The following SLC9A9 variants were observed in gnomAD, a reference collection of about 807,000 sequenced individuals.
The protein encoded by SLC9A9 is solute carrier family 9 member A9.
Under a neutral mutation model 77.8 loss-of-function variants are expected in SLC9A9, and 62 were observed. That is an observed-to-expected ratio of 0.80 (90% CI 0.65 to 0.98). The LOEUF is 0.98. SLC9A9 is among the 50% of genes least tolerant of loss of function. The pLI is 0.00. For synonymous variants in SLC9A9, 320 were observed against 283.5 expected, an observed-to-expected ratio of 1.13 and a Z score of -1.29; for missense variants, 775 against 774.9, an observed-to-expected ratio of 1.00 and a Z score of 0.00.
intron 9 of SLC9A9, among the ~76,000 whole-genome samples, chr3:143,509,160 G>A (rs1047620242): frequency 6.6e-6 from 1 of 152,060 alleles, no homozygotes; most frequent in African/African-American, 2.4e-5. Flanking sequence ...ATAAGAAATT[G>A]GAGAGTGTAA....
At chr3:143,820,123 A>G (rs1187453460) in intron 2 of SLC9A9, among the ~76,000 whole-genome samples, 1 of 152,224 alleles carries the variant, frequency 6.6e-6, no homozygotes, top group Non-Finnish European at 1.5e-5. Context: ...CAATAGTCCT[A>G]CAAAGTAGTT....
intron 14 of SLC9A9, among the ~76,000 whole-genome samples, chr3:143,283,292 G>C (rs1207791993): frequency 6.6e-6 from 1 of 152,034 alleles, no homozygotes; most frequent in Admixed American, 6.5e-5. Context: ...AGGGGTGTAG[G>C]AGACGGGTGG....
chr3:143,795,004 A>T lies in SLC9A9; in HGVS notation c.530T>A (p.Ile177Lys). Reference sequence around the variant, plus strand: ...TTGAGCTCCGAATGTCACTTACCCTATGACGATGCAGGAGATGGCAGTTCC... The same window carrying T: ...TTGAGCTCCGAATGTCACTTACCCTTTGACGATGCAGGAGATGGCAGTTCC... ...FLGTAISCIV[I>K]GLIMYGFVKA... The change falls in exon 4 of 16, where the codon ATA (isoleucine) becomes AAA (lysine). Residue 177 changes from isoleucine (I) to lysine (K), a missense_variant. By Grantham distance (102) the Ile-to-Lys change is moderately radical (BLOSUM62 -3). Transcript: ENST00000316549. The T allele has an allele frequency of 6.2e-7, 1 of 1,613,866 alleles. No individual in the cohort carries two copies. The highest frequency in any genetic ancestry group is 8.5e-7 in the Non-Finnish European group (1 of 1,179,800).
At chr3:143,502,324 A>G (rs1172412825) in intron 9 of SLC9A9, among the ~76,000 whole-genome samples, 1 of 143,164 alleles carries the variant, frequency 7.0e-6, no homozygotes, top group African/African-American at 3.0e-5. Flanking sequence ...TAAACTGCGT[A>G]AGAGGACAAT....
intron 4 of SLC9A9, among the ~76,000 whole-genome samples, chr3:143,765,329 G>A (rs769854290): frequency 2.6e-5 from 4 of 151,838 alleles, no homozygotes; most frequent in Non-Finnish European, 5.9e-5. Context: ...ATGAGCCACT[G>A]CACCTGGCCA....
intron 12 of SLC9A9, among the ~76,000 whole-genome samples, chr3:143,461,272 G>C (rs1179616336): frequency 2.0e-5 from 3 of 152,164 alleles, no homozygotes; most frequent in Non-Finnish European, 4.4e-5. Context: ...TTTAAATGCA[G>C]AAATAGGAGT....
At chr3:143,626,280 G>T (rs974172950) in intron 6 of SLC9A9, among the ~76,000 whole-genome samples, 13 of 152,200 alleles carry the variant, frequency 8.5e-5, no homozygotes, top group Admixed American at 4.6e-4. Flanking sequence ...ACACCCAAAG[G>T]ATTATAAATC....
chr3:143,739,765 T>C (rs958102158), intron 4 of SLC9A9, among the ~76,000 whole-genome samples: 3 of 152,190 alleles, frequency 2.0e-5, no homozygotes, highest in Admixed American at 2.0e-4. Flanking sequence ...AGACCAGTGG[T>C]TCTCAGTGTG....
rs142977479 is a variant in SLC9A9 at position 143,282,119 on chromosome 3, C to T, written c.1605-13139G>A. The stretch of plus-strand genomic sequence containing the variant: ...AGTACTATTGATCTTTTAGTTACCA[C>T]TCTCTTAGGACTTGTCACTCTCTCT... On this transcript the variant is annotated intron_variant, in intron 14 of 15. Transcript: ENST00000316549. Among the ~76,000 whole-genome samples, 475 of 152,254 alleles carry T rather than the reference C, an allele frequency of 3.1e-3. 2 individuals carry two copies. The highest frequency in any genetic ancestry group is 0.011 in the African/African-American group (465 of 41,538).
chr3:143,302,749 A>G (rs1168259781), intron 14 of SLC9A9, among the ~76,000 whole-genome samples: 2 of 152,216 alleles, frequency 1.3e-5, no homozygotes, highest in Non-Finnish European at 2.9e-5. Context: ...ACTGCGTTTG[A>G]CGAGGAGTGA....
chr3:143,496,529 A>G (rs2035835787), intron 9 of SLC9A9, among the ~76,000 whole-genome samples: 1 of 152,252 alleles, frequency 6.6e-6, no homozygotes, highest in Admixed American at 6.5e-5. Flanking sequence ...TGTCAGAAAC[A>G]TTATTTAAAA....
At chr3:143,386,130 TAGAAGTTACTG>T (rs2033420132) in intron 12 of SLC9A9, among the ~76,000 whole-genome samples, 1 of 152,156 alleles carries the variant, frequency 6.6e-6, no homozygotes, top group Admixed American at 6.5e-5. Flanking sequence ...CTCCCATCAC[TAGAAGTTACTG>T]AGACTTGGAG....
intron 6 of SLC9A9, among the ~76,000 whole-genome samples, chr3:143,591,882 G>A (rs1278065501): frequency 6.6e-6 from 1 of 152,230 alleles, no homozygotes; most frequent in African/African-American, 2.4e-5. Flanking sequence ...TTGGGAAGGA[G>A]GGAGGTCAGT....
chr3:143,822,484 G>A (rs1307401979), intron 2 of SLC9A9, among the ~76,000 whole-genome samples: 1 of 152,160 alleles, frequency 6.6e-6, no homozygotes, highest in Non-Finnish European at 1.5e-5. Flanking sequence ...CATAACTCCA[G>A]GCAAGCTTAA....
chr3:143,792,584 A>G (rs758046534), intron 4 of SLC9A9, among the ~76,000 whole-genome samples: 78 of 152,226 alleles, frequency 5.1e-4, no homozygotes, highest in Admixed American at 1.2e-3. Context: ...TTTGACTTCC[A>G]GAACACATGC....
intron 14 of SLC9A9, among the ~76,000 whole-genome samples, chr3:143,339,767 G>T (rs1166613359): frequency 6.6e-6 from 1 of 152,124 alleles, no homozygotes; most frequent in Non-Finnish European, 1.5e-5. Context: ...CCAAAGCTGA[G>T]CTTGGTTGTA....
chr3:143,633,986 A>T (rs1268826800), intron 6 of SLC9A9, among the ~76,000 whole-genome samples: 2 of 152,190 alleles, frequency 1.3e-5, no homozygotes, highest in African/African-American at 4.8e-5. Flanking sequence ...TGGAGGAACA[A>T]TCTGGCTTGG....
At chr3:143,395,572 G>A (rs999158977) in intron 12 of SLC9A9, among the ~76,000 whole-genome samples, 6 of 152,088 alleles carry the variant, frequency 3.9e-5, no homozygotes, top group Non-Finnish European at 7.4e-5. Flanking sequence ...CAAAAGCAAT[G>A]GCAACAAAAG....
chr3:143,739,797 G>A (rs142412332), intron 4 of SLC9A9, among the ~76,000 whole-genome samples: 55 of 152,280 alleles, frequency 3.6e-4, no homozygotes, highest in African/African-American at 1.1e-3. Flanking sequence ...CACAGCTTCA[G>A]TATCTCCTGG....
Sources: gnomAD v4.1 joint callset for allele counts (sites outside exome capture counted in the v4.1 genomes callset) on GRCh38, gnomAD v4.1.1 for gene constraint, MANE v1.5 for transcripts, NCBI Gene and HGNC (gene_info 2026-07-23, HGNC 2026-07-21) for gene names.